The following FSHR variants were observed in gnomAD, a reference collection of about 807,000 sequenced individuals.
The protein encoded by FSHR is follicle-stimulating hormone receptor.
A neutral mutation model predicts 52.1 loss-of-function variants in FSHR; 46 were observed. The ratio of observed to expected loss-of-function variants is 0.88; its 90% CI spans 0.70 to 1.13. The LOEUF is 1.13. FSHR is among the 50% of genes most tolerant of loss of function. FSHR has a pLI of 0.00. For synonymous variants in FSHR, 399 were observed against 309.6 expected (o/e 1.29, Z -3.03); for missense variants, 964 against 834.6 (o/e 1.16, Z -1.91).
intron 1 of FSHR, among the ~76,000 whole-genome samples, chr2:49,072,114 C>A (rs1311633119): frequency 6.6e-6 from 1 of 152,102 alleles, no homozygotes; most frequent in Admixed American, 6.6e-5. Flanking sequence ...AAATTACTTT[C>A]TTTGATGATG....
At chr2:49,067,812 CAAG>C (rs1386758988) in intron 2 of FSHR, among the ~76,000 whole-genome samples, 1 of 151,974 alleles carries the variant, frequency 6.6e-6, no homozygotes, top group African/African-American at 2.4e-5. Flanking sequence ...ACTTTGGAAA[CAAG>C]AAGTCTAGAG....
At chr2:49,004,687 T>C (rs1380384332) in intron 4 of FSHR, among the ~76,000 whole-genome samples, 5 of 152,274 alleles carry the variant, frequency 3.3e-5, no homozygotes, top group Non-Finnish European at 5.9e-5. Flanking sequence ...CACTGGCTGA[T>C]GGGAGTGTCT....
chr2:49,117,461 C>G (rs1296352368), intron 1 of FSHR, among the ~76,000 whole-genome samples: 1 of 152,170 alleles, frequency 6.6e-6, no homozygotes, highest in Non-Finnish European at 1.5e-5. Flanking sequence ...AGTGGATAGT[C>G]ATTTTATCTT....
chr2:49,050,317 T>A (rs1016714372), intron 2 of FSHR, among the ~76,000 whole-genome samples: 2 of 152,164 alleles, frequency 1.3e-5, no homozygotes. Flanking sequence ...GAAATGAGTT[T>A]GCAAGCTGAA....
chr2:49,144,087 T>C (rs1305570707), intron 1 of FSHR, among the ~76,000 whole-genome samples: 1 of 152,082 alleles, frequency 6.6e-6, no homozygotes, highest in Non-Finnish European at 1.5e-5. Context: ...CAGGTGCCAC[T>C]TACGACTGTT....
At position 49,017,603 on chromosome 2, in the gene FSHR, A is replaced by C. The variant is rs754687398; in HGVS notation, c.300-40T>G. 7.0e-6 allele frequency: 10 copies of C among 1,422,700 alleles called. No homozygotes were observed. In the South Asian group the frequency reaches 1.0e-4, roughly 15 times the overall value. The allele number at this position is 1,422,700 out of a possible 1,614,324, so 88.1% of individuals were successfully genotyped here. A position where few individuals can be genotyped will look rare whatever the true frequency, so the allele number is the denominator to read the frequency against. ...AAAACATGCTAGTGATCTTGATGGT[A>C]AGGAATGCTGTAGTATTTTTCACAT... is the stretch of plus-strand genomic sequence containing the variant. On this transcript the variant is annotated intron_variant, in intron 3 of 9. Transcript: ENST00000406846.
chr2:49,146,714 T>C (rs187255109), intron 1 of FSHR, among the ~76,000 whole-genome samples: 2 of 152,138 alleles, frequency 1.3e-5, no homozygotes, highest in South Asian at 2.1e-4. Context: ...ATCAAAGCAT[T>C]TGAGAATTGA....
chr2:49,093,532 G>A (rs762120262), intron 1 of FSHR, among the ~76,000 whole-genome samples: 10 of 151,162 alleles, frequency 6.6e-5, no homozygotes, highest in Admixed American at 3.3e-4. Flanking sequence ...GTGTTTACAT[G>A]GCATGGCATA....
chr2:49,104,747 A>G (rs1380228937), intron 1 of FSHR, among the ~76,000 whole-genome samples: 1 of 152,026 alleles, frequency 6.6e-6, no homozygotes, highest in Non-Finnish European at 1.5e-5. Context: ...GCCATCCTCA[A>G]TACAGCAGGG....
At chr2:49,103,247 A>T (rs1671099819) in intron 1 of FSHR, among the ~76,000 whole-genome samples, 1 of 152,144 alleles carries the variant, frequency 6.6e-6, no homozygotes, top group Admixed American at 6.6e-5. Context: ...CTAGGAAGGG[A>T]CTGATACAGA....
chr2:48,965,264 G>C (rs923208187), intron 9 of FSHR, among the ~76,000 whole-genome samples: 6 of 152,148 alleles, frequency 3.9e-5, no homozygotes, highest in African/African-American at 1.2e-4. Flanking sequence ...CATCAACCTG[G>C]ATGAGAAGGG....
chr2:48,962,713 A>C lies in FSHR; in HGVS notation c.*20T>G, dbSNP rs199913729. On this transcript the variant is annotated 3_prime_UTR_variant, in exon 10 of 10. Transcript: ENST00000406846. ...GACTGAATTATCATTCAATACTCAG[A>C]TACATTTTCACATTGTGTTTTAGTT... is the stretch of plus-strand genomic sequence containing the variant. 2.5e-6 allele frequency: 4 copies of C among 1,609,184 alleles called. No individual in the cohort carries two copies. In the East Asian group the frequency reaches 6.7e-5, roughly 27 times the overall value.
At chr2:49,085,494 G>A (rs1328275010) in intron 1 of FSHR, among the ~76,000 whole-genome samples, 2 of 152,188 alleles carry the variant, frequency 1.3e-5, no homozygotes, top group African/African-American at 4.8e-5. Context: ...GTTCTGGCCA[G>A]GGCAATTAGG....
rs372849680 is a variant in FSHR, at chr2:48,991,245, G to A, written c.375-608C>T. Among the ~76,000 whole-genome samples the A allele has an allele frequency of 3.4e-4, 51 of 152,234 alleles. No individual in the cohort carries two copies. The South Asian group carries it at 9.5e-3, about 28-fold the overall frequency. On this transcript the variant is annotated intron_variant, in intron 4 of 9. Coordinates refer to ENST00000406846, the MANE Select transcript of FSHR (RefSeq NM_000145.4). Reference sequence around the variant, plus strand: ...CTGGTTGTATTGGCCTGGCTTTCCCGGGAAGCAGAGCCTGAGAAGAAGCCT... The same window carrying A: ...CTGGTTGTATTGGCCTGGCTTTCCCAGGAAGCAGAGCCTGAGAAGAAGCCT...
chr2:49,019,332 C>T (rs749547757), intron 3 of FSHR, among the ~76,000 whole-genome samples: 1 of 152,174 alleles, frequency 6.6e-6, no homozygotes, highest in African/African-American at 2.4e-5. Context: ...TAGTGATACA[C>T]AGAATATACT....
chr2:49,057,471 T>C lies in FSHR; in HGVS notation c.224+10748A>G, dbSNP rs570650241. Among the ~76,000 whole-genome samples, 23 of 151,536 alleles carry C rather than the reference T, an allele frequency of 1.5e-4. No homozygotes were observed. The South Asian group carries it at 4.9e-3, about 32-fold the overall frequency. On this transcript the variant is annotated intron_variant, in intron 2 of 9. Transcript: ENST00000406846. The stretch of plus-strand genomic sequence containing the variant: ...CTAGACAAATACAACCCACCAAGAT[T>C]GAACCAAGAATAAATAGAAAATCTG...
At chr2:49,100,684 A>C (rs918174297) in intron 1 of FSHR, among the ~76,000 whole-genome samples, 4 of 152,198 alleles carry the variant, frequency 2.6e-5, no homozygotes, top group Non-Finnish European at 5.9e-5. Flanking sequence ...TCAGATCCTT[A>C]AATAGTTAGC....
At chr2:49,024,809 A>T (rs1173736418) in intron 2 of FSHR, among the ~76,000 whole-genome samples, 1 of 152,146 alleles carries the variant, frequency 6.6e-6, no homozygotes, top group African/African-American at 2.4e-5. Flanking sequence ...CACTGAATCA[A>T]ATTTTTCTTT....
chr2:49,036,159 G>A (rs1185030647), intron 2 of FSHR, among the ~76,000 whole-genome samples: 1 of 152,102 alleles, frequency 6.6e-6, no homozygotes, highest in Non-Finnish European at 1.5e-5. Context: ...CTGTAGCCAT[G>A]ATTATTTATA....
Sources: gnomAD v4.1 joint callset for allele counts (sites outside exome capture counted in the v4.1 genomes callset) on GRCh38, gnomAD v4.1.1 for gene constraint, MANE v1.5 for transcripts, NCBI Gene and HGNC (gene_info 2026-07-23, HGNC 2026-07-21) for gene names.